The following SMIM8 variants were observed in gnomAD, a reference collection of about 807,000 sequenced individuals.
The protein encoded by SMIM8 is UPF0708 protein C6orf162.
In SMIM8, 8 loss-of-function variants were observed where a neutral mutation model predicts 8.1. That is an observed-to-expected ratio of 0.99 (90% CI 0.58 to 1.78). The LOEUF (loss-of-function observed/expected upper bound fraction) is 1.78. Ranked by LOEUF, SMIM8 falls within the 40% of genes most tolerant of loss-of-function variation. The pLI is 0.00. For missense variants in SMIM8, 126 were observed against 119.8 expected (o/e 1.05, Z -0.24); for synonymous variants, 45 against 39.7 (o/e 1.13, Z -0.50).
rs776674217 is a variant in SMIM8, at chr6:87,340,213, A to G, written c.233A>G (p.Tyr78Cys). ...HAIQENKKDL[Y>C]EAIDSEGHSY... is the part of the protein sequence containing the mutation. ...ATACAAGAGAATAAAAAGGACCTCT[A>G]TGAAGCTATTGATAGTGAGGGGCAC... The change falls in exon 4 of 4, where the codon TAT becomes TGT. Residue 78 changes from tyrosine (Y) to cysteine (C), a missense_variant. Physicochemically the swap from Tyr to Cys is radical, Grantham distance 194. Coordinates refer to ENST00000392863, the MANE Select transcript of SMIM8 (RefSeq NM_001042493.3). 14 of 1,611,676 alleles carry G rather than the reference A, an allele frequency of 8.7e-6. No homozygotes were observed. The highest frequency in any genetic ancestry group is 1.1e-5 in the South Asian group (1 of 90,540).
At chr6:87,325,285 C>G (rs1725297513) in intron 1 of SMIM8, among the ~76,000 whole-genome samples, 1 of 146,684 alleles carries the variant, frequency 6.8e-6, no homozygotes, top group African/African-American at 2.6e-5. Context: ...TTGCCCTGGC[C>G]AGAACTTCCA....
intron 2 of SMIM8, among the ~76,000 whole-genome samples, chr6:87,331,716 TAAA>T (rs368453428): frequency 6.6e-6 from 1 of 152,314 alleles, no homozygotes; most frequent in African/African-American, 2.4e-5. Context: ...AGATGGTTGT[TAAA>T]AAGTCTTAGT....
At position 87,337,071 on chromosome 6, in the gene SMIM8, C is replaced by A. The variant is rs151038931; in HGVS notation, c.40C>A (p.Pro14Thr). The change falls in exon 3 of 4, where the codon CCA becomes ACA. Residue 14 changes from proline to threonine, a missense_variant. Coordinates refer to ENST00000392863, the MANE Select transcript of SMIM8 (RefSeq NM_001042493.3). Reference protein sequence around the residue: ...APEPPTFKKEPPKEKEFQSPG... With the variant: ...APEPPTFKKETPKEKEFQSPG... The stretch of plus-strand genomic sequence containing the variant: ...TGAGCCTCCAACATTCAAAAAGGAA[C>A]CACCCAAAGAGAAAGAGTTTCAAAG... 1 of 1,612,562 alleles carries A rather than the reference C, an allele frequency of 6.2e-7. No individual in the cohort carries two copies. The highest frequency in any genetic ancestry group is 8.5e-7 in the Non-Finnish European group (1 of 1,179,194).
At chr6:87,339,889 G>A (rs1254780935) in intron 3 of SMIM8, among the ~76,000 whole-genome samples, 1 of 151,618 alleles carries the variant, frequency 6.6e-6, no homozygotes, top group Admixed American at 6.6e-5. Context: ...GTGTAGATGG[G>A]AGAAAGCCTG....
intron 1 of SMIM8, among the ~76,000 whole-genome samples, chr6:87,324,484 A>C (rs1470745671): frequency 6.6e-5 from 10 of 150,870 alleles, no homozygotes; most frequent in East Asian, 5.8e-4. Context: ...AGCTTTCTAC[A>C]TATGGCTAGC....
chr6:87,339,605 C>T (rs1777179452), intron 3 of SMIM8, among the ~76,000 whole-genome samples: 1 of 152,044 alleles, frequency 6.6e-6, no homozygotes, highest in African/African-American at 2.4e-5. Flanking sequence ...TATACATCAT[C>T]ATCATTTCTG....
In SMIM8 at chr6:87,340,501, C is replaced by T. The variant is rs955807083; in HGVS notation, c.*227C>T. 2.5e-5 allele frequency: 8 copies of T among 316,166 alleles called. No individual in the cohort carries two copies. Among genetic ancestry groups the T allele is most frequent in the Non-Finnish European group, 3.9e-5 (7 of 177,778 alleles). The allele number at this position is 316,166 out of a possible 1,614,324, so 19.6% of individuals were successfully genotyped here. Reference sequence around the variant, plus strand: ...CGTCATAATATTTTTCTTTCCTTACCTCTTATAAAAGTGCCATGAGAATGG... The same window carrying T: ...CGTCATAATATTTTTCTTTCCTTACTTCTTATAAAAGTGCCATGAGAATGG... On this transcript the variant is annotated 3_prime_UTR_variant, in exon 4 of 4. Transcript: ENST00000392863.
chr6:87,328,290 C>T (rs12190280), intron 1 of SMIM8, among the ~76,000 whole-genome samples: 60,279 of 152,012 alleles, frequency 0.4, 12,893 homozygotes, highest in Non-Finnish European at 0.48. Context: ...TTCCGTTGCT[C>T]GTGAGGAACT....
At chr6:87,326,493 C>T (rs1054494752) in intron 1 of SMIM8, among the ~76,000 whole-genome samples, 2 of 151,944 alleles carry the variant, frequency 1.3e-5, no homozygotes, top group African/African-American at 4.8e-5. Context: ...TTTCAAAGAA[C>T]ATCTTTATTT....
intron 3 of SMIM8, among the ~76,000 whole-genome samples, chr6:87,337,609 G>T (rs141975272): frequency 1.3e-5 from 2 of 152,224 alleles, no homozygotes; most frequent in East Asian, 1.9e-4. Flanking sequence ...CAGATACTTT[G>T]TGAAAAATTC....
rs756930206 is a variant in SMIM8 at position 87,340,227 on chromosome 6, A to AATC, written c.247_248insATC (p.Ser83delinsAsnArg). ...AAAGGACCTCTATGAAGCTATTGAT[A>AATC]GTGAGGGGCACAGTTATATGAGGCG... is the stretch of plus-strand genomic sequence containing the variant. On this transcript the variant is annotated protein_altering_variant, in exon 4 of 4. Coordinates refer to ENST00000392863, the MANE Select transcript of SMIM8 (RefSeq NM_001042493.3). 4.3e-6 allele frequency: 7 copies of AATC among 1,611,262 alleles called. No homozygotes were observed. In the African/African-American group the frequency reaches 9.4e-5, roughly 22 times the overall value.
intron 2 of SMIM8, among the ~76,000 whole-genome samples, chr6:87,332,327 G>A (rs441854): frequency 0.22 from 8,567 of 38,940 alleles, 366 homozygotes; most frequent in African/African-American, 0.3. Context: ...CCCCATATAT[G>A]TATATATATA....
Position 87,340,938 on chromosome 6 carries a change from T to TA in SMIM8, c.*664_*665insA. The TA allele has an allele frequency of 8.2e-6, 1 of 121,272 alleles. No homozygotes were observed. 7.5% of individuals were successfully genotyped at this position (121,272 alleles called of 1,614,324 possible). A position where few individuals can be genotyped will look rare whatever the true frequency, so the allele number is the denominator to read the frequency against. On this transcript the variant is annotated 3_prime_UTR_variant, in exon 4 of 4. Transcript: ENST00000392863. ...ATCCCAGAGTAATTGGAGTTTTTCT[T>TA]TAAAAAAAAAAAAAAAGTATGTTTT...
chr6:87,326,897 A>T (rs1315935679), intron 1 of SMIM8, among the ~76,000 whole-genome samples: 2 of 114,308 alleles, frequency 1.7e-5, no homozygotes, highest in South Asian at 5.7e-4. Context: ...AATTTGTGGG[A>T]GTTTAAGTCT....
chr6:87,334,023 G>T (rs1777049242), intron 2 of SMIM8, among the ~76,000 whole-genome samples: 1 of 152,210 alleles, frequency 6.6e-6, no homozygotes, highest in African/African-American at 2.4e-5. Context: ...AAGCAGGCAT[G>T]TCACATGGTG....
chr6:87,327,013 A>G (rs1461252187), intron 1 of SMIM8, among the ~76,000 whole-genome samples: 3 of 136,086 alleles, frequency 2.2e-5, no homozygotes, highest in Non-Finnish European at 3.1e-5. Flanking sequence ...TCCCTTTACC[A>G]TTATGTAATG....
At chr6:87,324,967 C>T (rs1454321100) in intron 1 of SMIM8, among the ~76,000 whole-genome samples, 1 of 151,960 alleles carries the variant, frequency 6.6e-6, no homozygotes, top group Non-Finnish European at 1.5e-5. Context: ...TTGTAGTTCT[C>T]CTTGAAGAGG....
chr6:87,340,111 G>A lies in SMIM8; in HGVS notation c.136-5G>A. 3 of 1,532,538 alleles carry A rather than the reference G, an allele frequency of 2.0e-6. No homozygotes were observed. Among genetic ancestry groups the A allele is most frequent in the Non-Finnish European group, 2.6e-6 (3 of 1,146,808 alleles). The allele number at this position is 1,532,538 out of a possible 1,614,324, so 94.9% of individuals were successfully genotyped here. A position where few individuals can be genotyped will look rare whatever the true frequency, so the allele number is the denominator to read the frequency against. ...AAAGCTTTATAATTTTTTTTTCTTT[G>A]ACAGAACAAACCTGTAATGGCTTTC... On this transcript the variant is annotated splice_polypyrimidine_tract_variant and splice_region_variant and intron_variant, in intron 3 of 3. Coordinates refer to ENST00000392863, the MANE Select transcript of SMIM8 (RefSeq NM_001042493.3).
At position 87,340,368 on chromosome 6, in the gene SMIM8, A is replaced by G. The variant is rs1294842470; in HGVS notation, c.*94A>G. 17 of 1,234,148 alleles carry G rather than the reference A, an allele frequency of 1.4e-5. No individual in the cohort carries two copies. The highest frequency in any genetic ancestry group is 2.9e-5 in the East Asian group (1 of 34,028). The allele number at this position is 1,234,148 out of a possible 1,614,324, so 76.4% of individuals were successfully genotyped here. ...TGTACAGTATCATGTTTCTTGTTCT[A>G]GAACATGCTAATGAAGAGAGAAGAT... On this transcript the variant is annotated 3_prime_UTR_variant, in exon 4 of 4. Coordinates refer to ENST00000392863, the MANE Select transcript of SMIM8 (RefSeq NM_001042493.3).
Sources: gnomAD v4.1 joint callset for allele counts (sites outside exome capture counted in the v4.1 genomes callset) on GRCh38, gnomAD v4.1.1 for gene constraint, MANE v1.5 for transcripts, NCBI Gene and HGNC (gene_info 2026-07-23, HGNC 2026-07-21) for gene names.